The following CDH9 variants were observed in gnomAD, a reference collection of about 807,000 sequenced individuals.
The protein encoded by CDH9 is cadherin 9.
In CDH9, 28 loss-of-function variants were observed where a neutral mutation model predicts 70.9. The ratio of observed to expected loss-of-function variants is 0.40; its 90% CI spans 0.29 to 0.54. CDH9 has a LOEUF of 0.54. Among genes scored for constraint, CDH9 ranks in the 20% least tolerant of loss-of-function variants. The pLI, the probability that CDH9 is intolerant of heterozygous loss-of-function variation, is 0.59. For synonymous variants in CDH9, 409 were observed against 343.1 expected (o/e 1.19, Z -2.12); for missense variants, 874 against 984.4 (o/e 0.89, Z 1.50).
intron 2 of CDH9, among the ~76,000 whole-genome samples, chr5:26,955,575 T>A (rs1741932414): frequency 3.2e-4 from 1 of 3,132 alleles, no homozygotes; most frequent in African/African-American, 7.9e-4. Context: ...TGGCAGTATC[T>A]CTCTCTCTCT....
At chr5:26,923,180 G>A (rs533465075) in intron 2 of CDH9, among the ~76,000 whole-genome samples, 2 of 150,446 alleles carry the variant, frequency 1.3e-5, no homozygotes, top group African/African-American at 2.4e-5. Context: ...CTACATCTAT[G>A]AAGACACACA....
At chr5:26,944,978 T>A (rs933787139) in intron 2 of CDH9, among the ~76,000 whole-genome samples, 1 of 151,486 alleles carries the variant, frequency 6.6e-6, no homozygotes. Flanking sequence ...GAAACTATCA[T>A]CCAGGAGGGT....
At chr5:26,945,690 A>T (rs932480273) in intron 2 of CDH9, among the ~76,000 whole-genome samples, 1 of 152,222 alleles carries the variant, frequency 6.6e-6, no homozygotes, top group African/African-American at 2.4e-5. Flanking sequence ...ATTATTGATT[A>T]TTCTAATTTT....
intron 2 of CDH9, among the ~76,000 whole-genome samples, chr5:26,942,832 A>G (rs1741686664): frequency 6.6e-6 from 1 of 152,090 alleles, no homozygotes; most frequent in Non-Finnish European, 1.5e-5. Context: ...CTAAAACCAA[A>G]TATTTTGCAC....
intron 3 of CDH9, among the ~76,000 whole-genome samples, chr5:26,909,378 A>G (rs182387490): frequency 6.6e-6 from 1 of 152,228 alleles, no homozygotes; most frequent in Admixed American, 6.5e-5. Context: ...CAAAATATGT[A>G]TAATTTTTAT....
chr5:26,993,102 C>CA (rs34636129), intron 1 of CDH9, among the ~76,000 whole-genome samples: 52,512 of 104,090 alleles, frequency 0.5, 11,562 homozygotes, highest in Non-Finnish European at 0.55. Context: ...ACTCCGTCTC[C>CA]AAAAAAAAAA....
intron 1 of CDH9, among the ~76,000 whole-genome samples, chr5:27,004,504 G>C (rs1442730084): frequency 6.6e-6 from 1 of 151,998 alleles, no homozygotes; most frequent in Admixed American, 6.6e-5. Flanking sequence ...ATAAAACATA[G>C]ACATTACAAG....
At chr5:26,936,382 C>A (rs950525526) in intron 2 of CDH9, among the ~76,000 whole-genome samples, 1 of 150,836 alleles carries the variant, frequency 6.6e-6, no homozygotes, top group Non-Finnish European at 1.5e-5. Context: ...AATATATGTA[C>A]AAGTATAAAA....
At chr5:26,928,431 A>G (rs760191797) in intron 2 of CDH9, among the ~76,000 whole-genome samples, 1 of 152,098 alleles carries the variant, frequency 6.6e-6, no homozygotes, top group Non-Finnish European at 1.5e-5. Context: ...AAAGCAATAC[A>G]CAGAGTCAAT....
At chr5:27,011,175 T>G (rs1373467326) in intron 1 of CDH9, among the ~76,000 whole-genome samples, 1 of 152,098 alleles carries the variant, frequency 6.6e-6, no homozygotes, top group Non-Finnish European at 1.5e-5. Context: ...TCAACAGTTC[T>G]GATGATTATT....
chr5:26,887,322 G>T (rs1484923143), intron 9 of CDH9, among the ~76,000 whole-genome samples: 1 of 151,512 alleles, frequency 6.6e-6, no homozygotes, highest in Non-Finnish European at 1.5e-5. Context: ...TAAAAAGTTG[G>T]TCTTTTAGTT....
chr5:26,931,394 A>G (rs1405648278), intron 2 of CDH9, among the ~76,000 whole-genome samples: 1 of 152,188 alleles, frequency 6.6e-6, no homozygotes, highest in Non-Finnish European at 1.5e-5. Flanking sequence ...TAAACTGTGC[A>G]TGAACAGTAT....
In CDH9 at chr5:27,036,569, AATT is replaced by A. The variant is rs377708936; in HGVS notation, c.-50+1891_-50+1893del. 1.7e-3 allele frequency among the ~76,000 whole-genome samples: 251 copies of A among 152,002 alleles called. 3 individuals carry two copies. The highest frequency in any genetic ancestry group is 5.8e-3 in the African/African-American group (239 of 41,528). On this transcript the variant is annotated intron_variant, in intron 1 of 11. Transcript: ENST00000231021. ...AAAATAATATTTTTTATCCTAGAAA[AATT>A]ATTATCTCATAGGACTATTGTTTTT...
At chr5:26,926,947 G>C (rs926118612) in intron 2 of CDH9, among the ~76,000 whole-genome samples, 1 of 124,008 alleles carries the variant, frequency 8.1e-6, no homozygotes, top group African/African-American at 3.2e-5. Flanking sequence ...AAGAAACAAA[G>C]AAAGAAAATA....
intron 2 of CDH9, among the ~76,000 whole-genome samples, chr5:26,981,287 G>A (rs1742395285): frequency 6.6e-6 from 1 of 151,924 alleles, no homozygotes; most frequent in Admixed American, 6.6e-5. Context: ...TATATAAAAT[G>A]GTGCAGAATT....
At chr5:27,020,802 A>T (rs1279076444) in intron 1 of CDH9, among the ~76,000 whole-genome samples, 2 of 151,498 alleles carry the variant, frequency 1.3e-5, no homozygotes, top group Non-Finnish European at 3.0e-5. Flanking sequence ...ATTCTTGGTT[A>T]TTAAATGCTT....
At chr5:26,949,029 G>T (rs1481514316) in intron 2 of CDH9, among the ~76,000 whole-genome samples, 1 of 152,048 alleles carries the variant, frequency 6.6e-6, no homozygotes, top group Non-Finnish European at 1.5e-5. Flanking sequence ...TTGAAATTGT[G>T]TATACTTAAA....
chr5:26,965,018 T>C (rs1358293542), intron 2 of CDH9, among the ~76,000 whole-genome samples: 2 of 152,168 alleles, frequency 1.3e-5, no homozygotes, highest in Non-Finnish European at 2.9e-5. Flanking sequence ...TTTCAAATGC[T>C]TATGTCTGTG....
intron 1 of CDH9, among the ~76,000 whole-genome samples, chr5:26,991,573 C>G (rs940764179): frequency 3.9e-5 from 6 of 152,110 alleles, no homozygotes; most frequent in Admixed American, 1.3e-4. Flanking sequence ...AATTCCTTAC[C>G]TGGAACAAAA....
Sources: gnomAD v4.1 joint callset for allele counts (sites outside exome capture counted in the v4.1 genomes callset) on GRCh38, gnomAD v4.1.1 for gene constraint, MANE v1.5 for transcripts, NCBI Gene and HGNC (gene_info 2026-07-23, HGNC 2026-07-21) for gene names.